SRGAP1: variants seen among roughly 807,000 people sequenced by gnomAD.
The protein encoded by SRGAP1 is SLIT-ROBO Rho GTPase-activating protein 1.
In SRGAP1, 43 loss-of-function variants were observed where a neutral mutation model predicts 121.9. The observed-to-expected ratio is 0.35, with a 90% confidence interval of 0.28 to 0.46. The LOEUF (loss-of-function observed/expected upper bound fraction) is 0.46, where lower values mean the gene tolerates loss of function less well. Among genes scored for constraint, SRGAP1 ranks in the 20% least tolerant of loss-of-function variants. The pLI is 1.00. For synonymous variants in SRGAP1, 447 were observed against 485.4 expected, an observed-to-expected ratio of 0.92 and a Z score of 1.04; for missense variants, 1,102 against 1,350.9, an observed-to-expected ratio of 0.82 and a Z score of 2.89.
At chr12:63,976,503 G>A (rs1481175527) in intron 1 of SRGAP1, among the ~76,000 whole-genome samples, 1 of 152,102 alleles carries the variant, frequency 6.6e-6, no homozygotes, top group African/African-American at 2.4e-5. Context: ...ATCTGTCTGT[G>A]TTGCCTCTGC....
chr12:63,855,473 GTTTTTTTT>G (rs781701925), intron 1 of SRGAP1, among the ~76,000 whole-genome samples: 10 of 52,936 alleles, frequency 1.9e-4, no homozygotes, highest in South Asian at 1.1e-3. Flanking sequence ...GAAAAATGGT[GTTTTTTTT>G]TTTTTTTTTT....
chr12:64,133,847 A>C (rs1275798337), intron 21 of SRGAP1, among the ~76,000 whole-genome samples: 2 of 152,086 alleles, frequency 1.3e-5, no homozygotes, highest in Non-Finnish European at 2.9e-5. Flanking sequence ...TATCAATTTC[A>C]CTTTTAGGAA....
chr12:64,099,005 G>A (rs1325813313), intron 15 of SRGAP1, among the ~76,000 whole-genome samples: 3 of 152,134 alleles, frequency 2.0e-5, no homozygotes, highest in African/African-American at 7.2e-5. Flanking sequence ...TATTGGGTAC[G>A]TATGTCCAGA....
intron 21 of SRGAP1, among the ~76,000 whole-genome samples, chr12:64,139,753 C>T (rs1383909313): frequency 2.6e-5 from 4 of 151,744 alleles, no homozygotes; most frequent in Non-Finnish European, 4.4e-5. Context: ...TAATTAGATC[C>T]CATTTGTCAA....
At chr12:64,142,209 T>A in intron 21 of SRGAP1, 86 bp from the exon 22 acceptor site, 1 of 1,444,084 alleles carries the variant, frequency 6.9e-7, no homozygotes, top group Admixed American at 2.0e-5. Context: ...CTGGGCCGTT[T>A]ACTTTGAAAT....
chr12:63,895,140 T>G (rs1182776141), intron 1 of SRGAP1, among the ~76,000 whole-genome samples: 2 of 152,208 alleles, frequency 1.3e-5, no homozygotes. Context: ...CCAGCACCTG[T>G]TGTTTCCTGA....
chr12:64,000,688 G>A (rs1038141307), intron 3 of SRGAP1, among the ~76,000 whole-genome samples: 12 of 152,216 alleles, frequency 7.9e-5, no homozygotes, highest in East Asian at 3.9e-4. Flanking sequence ...GAGAACAGGT[G>A]TAATTGATTG....
chr12:64,094,727 AAT>A (rs2136589721), intron 12 of SRGAP1, among the ~76,000 whole-genome samples: 1 of 152,360 alleles, frequency 6.6e-6, no homozygotes, highest in Non-Finnish European at 1.5e-5. Context: ...TGTAAGTCTT[AAT>A]ATAAGAAAAG....
chr12:63,915,721 C>T (rs1288743806), intron 1 of SRGAP1, among the ~76,000 whole-genome samples: 1 of 152,148 alleles, frequency 6.6e-6, no homozygotes, highest in Non-Finnish European at 1.5e-5. Context: ...TCTCTCTTCA[C>T]CTTCAATGCC....
chr12:64,050,011 C>T (rs1332608732), intron 6 of SRGAP1, among the ~76,000 whole-genome samples: 1 of 152,102 alleles, frequency 6.6e-6, no homozygotes, highest in East Asian at 1.9e-4. Context: ...TATTGATTCT[C>T]CCAATCCATG....
intron 1 of SRGAP1, among the ~76,000 whole-genome samples, chr12:63,868,150 C>T (rs1198684871): frequency 3.5e-5 from 5 of 141,132 alleles, no homozygotes; most frequent in African/African-American, 5.2e-5. Flanking sequence ...GGCACGATCT[C>T]GGCTCACTGC....
At chr12:63,897,981 C>T (rs1900809189) in intron 1 of SRGAP1, among the ~76,000 whole-genome samples, 1 of 152,190 alleles carries the variant, frequency 6.6e-6, no homozygotes. Context: ...GCTTTGGGTA[C>T]ATGGAGTGGA....
At chr12:63,945,507 A>G (rs183206253) in intron 1 of SRGAP1, among the ~76,000 whole-genome samples, 15 of 151,962 alleles carry the variant, frequency 9.9e-5, no homozygotes, top group African/African-American at 3.6e-4. Flanking sequence ...ATTTAGGTAC[A>G]TTCCTAACAG....
intron 1 of SRGAP1, among the ~76,000 whole-genome samples, chr12:63,910,624 T>C (rs887265129): frequency 2.6e-5 from 4 of 152,150 alleles, no homozygotes; most frequent in African/African-American, 9.7e-5. Flanking sequence ...GGAAAATGCA[T>C]GGAACCTTAC....
intron 4 of SRGAP1, among the ~76,000 whole-genome samples, chr12:64,040,597 A>G (rs2034996315): frequency 6.6e-6 from 1 of 152,204 alleles, no homozygotes; most frequent in Non-Finnish European, 1.5e-5. Context: ...TGTCTGACAT[A>G]TGAAAGCATA....
rs142750532 is a variant in SRGAP1, at chr12:63,988,361, A to G, written c.264-1549A>G. Among the ~76,000 whole-genome samples the G allele has an allele frequency of 1.2e-4, 19 of 152,322 alleles. No homozygotes were observed. The East Asian group carries it at 3.5e-3, about 28-fold the overall frequency. On this transcript the variant is annotated intron_variant, in intron 2 of 21. Transcript: ENST00000355086. Reference sequence around the variant, plus strand: ...GGCTGGGTAGATAGGAACTCTCAATAGAAAAGCTCCAATTACCTGTTATAG... The same window carrying G: ...GGCTGGGTAGATAGGAACTCTCAATGGAAAAGCTCCAATTACCTGTTATAG...
At chr12:63,942,932 A>G (rs1202256990) in intron 1 of SRGAP1, among the ~76,000 whole-genome samples, 1 of 152,244 alleles carries the variant, frequency 6.6e-6, no homozygotes, top group African/African-American at 2.4e-5. Context: ...CCAATTTTCA[A>G]TAGAAGCATT....
chr12:64,038,504 A>G (rs975761370), intron 4 of SRGAP1: 3 of 152,192 alleles, frequency 2.0e-5, no homozygotes, highest in South Asian at 2.1e-4. Context: ...TCATTAATCT[A>G]TTGATCTCTC....
chr12:63,932,850 G>A (rs772618278), intron 1 of SRGAP1, among the ~76,000 whole-genome samples: 5 of 152,124 alleles, frequency 3.3e-5, no homozygotes, highest in Non-Finnish European at 7.3e-5. Flanking sequence ...GGTTGAAGTG[G>A]AAAATCACTC....
Sources: allele counts gnomAD v4.1 joint callset (sites outside exome capture counted in the v4.1 genomes callset), GRCh38; gene constraint gnomAD v4.1.1; transcripts MANE v1.5; gene names NCBI Gene and HGNC (gene_info 2026-07-23, HGNC 2026-07-21).